PBX1: variants seen among roughly 807,000 people sequenced by gnomAD.
The protein encoded by PBX1 is pre-B-cell leukemia transcription factor 1.
A neutral mutation model predicts 53.4 loss-of-function variants in PBX1; 6 were observed. That is an observed-to-expected ratio of 0.11 (90% CI 0.06 to 0.22). PBX1 has a LOEUF of 0.22. PBX1 is among the 10% of genes least tolerant of loss of function. PBX1 has a pLI of 1.00. For synonymous variants in PBX1, 204 were observed against 212.3 expected (o/e 0.96, Z 0.34); for missense variants, 251 against 551.4 (o/e 0.46, Z 5.46).
chr1:164,626,161 C>T (rs1000548866), intron 2 of PBX1: 1 of 940,154 alleles, frequency 1.1e-6, no homozygotes, highest in African/African-American at 1.8e-5. Flanking sequence ...ACCATGCCTT[C>T]CCCCTTTTAT....
chr1:164,684,210 A>G (rs534268679), intron 2 of PBX1: 34 of 152,312 alleles, frequency 2.2e-4, no homozygotes, highest in African/African-American at 8.2e-4. Context: ...ATCCTTGTGA[A>G]TTCCTTAAGC....
At chr1:164,612,577 C>A (rs1486400847) in intron 2 of PBX1, among the ~76,000 whole-genome samples, 1 of 152,120 alleles carries the variant, frequency 6.6e-6, no homozygotes, top group Non-Finnish European at 1.5e-5. Flanking sequence ...CCCATGATAT[C>A]TGTACCTAAA....
At position 164,846,584 on chromosome 1, in the gene PBX1, G is replaced by A; in HGVS notation, c.1201G>A (p.Ala401Thr). The change falls in exon 9 of 9, where the codon GCT (alanine) becomes ACT (threonine). Residue 401 changes from alanine to threonine, a missense_variant and splice_region_variant. Ala to Thr is a moderately conservative substitution (Grantham distance 58, BLOSUM62 0). Transcript: ENST00000420696. ...SQMYSPQGIS[A>T]NGGWQDATTP... ...ACTTCTCTCCCTTTTTCCCTTCTAG[G>A]CTAATGGAGGTTGGCAGGATGCTAC... 3 of 1,613,838 alleles carry A rather than the reference G, an allele frequency of 1.9e-6. No homozygotes were observed. The highest frequency in any genetic ancestry group is 2.5e-6 in the Non-Finnish European group (3 of 1,179,834).
At chr1:164,654,616 T>G (rs537737677) in intron 2 of PBX1, among the ~76,000 whole-genome samples, 3 of 152,092 alleles carry the variant, frequency 2.0e-5, no homozygotes, top group Admixed American at 2.0e-4. Flanking sequence ...TTCTAAAGAG[T>G]CAAAATGGGA....
intron 2 of PBX1, among the ~76,000 whole-genome samples, chr1:164,695,710 A>G (rs1662764711): frequency 6.6e-6 from 1 of 152,188 alleles, no homozygotes; most frequent in Non-Finnish European, 1.5e-5. Flanking sequence ...GGCTGAACAT[A>G]TGGTAGGTGC....
chr1:164,626,065 C>G (rs1318225953), intron 2 of PBX1: 2 of 1,035,816 alleles, frequency 1.9e-6, no homozygotes, highest in African/African-American at 3.4e-5. Context: ...CCACACACCA[C>G]CACCCCAGTT....
At chr1:164,885,418 G>C (rs1046813811) in intron 2 of PBX1, among the ~76,000 whole-genome samples, 2 of 152,204 alleles carry the variant, frequency 1.3e-5, no homozygotes, top group Admixed American at 1.3e-4. Flanking sequence ...GAGTGGAAAT[G>C]ACAGCACACC....
chr1:164,656,552 TTA>T (rs1331044868), intron 2 of PBX1, among the ~76,000 whole-genome samples: 8 of 152,180 alleles, frequency 5.3e-5, no homozygotes, highest in African/African-American at 1.9e-4. Flanking sequence ...TCCTTTCGTC[TTA>T]GACAAATTAT....
At chr1:164,648,041 T>C (rs1203931267) in intron 2 of PBX1, among the ~76,000 whole-genome samples, 1 of 152,038 alleles carries the variant, frequency 6.6e-6, no homozygotes, top group Non-Finnish European at 1.5e-5. Flanking sequence ...GGTCTCGATC[T>C]CCTGACCTCG....
intron 2 of PBX1, among the ~76,000 whole-genome samples, chr1:164,579,714 C>T (rs1654481674): frequency 6.6e-6 from 1 of 151,952 alleles, no homozygotes; most frequent in African/African-American, 2.4e-5. Context: ...GGAAAGAGTG[C>T]TCTGGGCCCC....
At chr1:164,636,875 T>G (rs1477007184) in intron 2 of PBX1, among the ~76,000 whole-genome samples, 1 of 152,102 alleles carries the variant, frequency 6.6e-6, no homozygotes, top group African/African-American at 2.4e-5. Flanking sequence ...TTTGTGTGTG[T>G]TTATGTGTGA....
intron 2 of PBX1, among the ~76,000 whole-genome samples, chr1:164,609,173 T>A (rs1170439057): frequency 2.0e-5 from 3 of 152,212 alleles, no homozygotes; most frequent in Non-Finnish European, 4.4e-5. Flanking sequence ...TTTTTAATAA[T>A]TTAAAAAAGT....
At chr1:164,776,981 AGGTG>A (rs1571387206) in intron 2 of PBX1, among the ~76,000 whole-genome samples, 14 of 15,016 alleles carry the variant, frequency 9.3e-4, no homozygotes, top group East Asian at 3.5e-3. Context: ...GAGAGAGAGG[AGGTG>A]TGGGGGGGCG....
intron 2 of PBX1, among the ~76,000 whole-genome samples, chr1:164,667,154 A>G (rs903754185): frequency 1.3e-5 from 2 of 152,136 alleles, no homozygotes; most frequent in Non-Finnish European, 2.9e-5. Flanking sequence ...TTTCAGGCCA[A>G]CTGCTCCATC....
intron 2 of PBX1, among the ~76,000 whole-genome samples, chr1:164,733,488 A>T (rs1272047789): frequency 1.2e-4 from 18 of 152,120 alleles, no homozygotes; most frequent in Admixed American, 3.9e-4. Context: ...GTGACATTTT[A>T]AAAAAATCAT....
intron 1 of PBX1, chr1:164,560,216 G>A: frequency 2.0e-6 from 1 of 509,600 alleles, no homozygotes; most frequent in Non-Finnish European, 3.5e-6. Context: ...ATGCCGAGAT[G>A]TGGCTGTGTA....
chr1:164,775,270 G>A (rs766185686), intron 2 of PBX1, among the ~76,000 whole-genome samples: 2 of 152,182 alleles, frequency 1.3e-5, no homozygotes, highest in African/African-American at 2.4e-5. Context: ...AGATCATAGA[G>A]TGAAAGATCA....
chr1:164,809,161 TGTCTGAATTCCAAGTG>T (rs1669489955), intron 5 of PBX1, among the ~76,000 whole-genome samples: 1 of 152,176 alleles, frequency 6.6e-6, no homozygotes, highest in African/African-American at 2.4e-5. Context: ...AAATTACTAC[TGTCTGAATTCCAAGTG>T]TGGAATTCAG....
chr1:164,655,700 C>A lies in PBX1; in HGVS notation c.265+92389C>A, dbSNP rs116093054. ...TTCAGTTGACCTCCTTGACTGCAAT[C>A]ATTTGTTTTGGTTTTGTGTGTGTGT... On this transcript the variant is annotated intron_variant, in intron 2 of 8. Coordinates refer to ENST00000420696, the MANE Select transcript of PBX1 (RefSeq NM_002585.4). Among the ~76,000 whole-genome samples, 546 of 152,246 alleles carry A rather than the reference C, an allele frequency of 3.6e-3. 3 individuals are homozygous for A. Among genetic ancestry groups the A allele is most frequent in the African/African-American group, 0.012 (495 of 41,554 alleles).
Sources: gnomAD v4.1 joint callset for allele counts (sites outside exome capture counted in the v4.1 genomes callset) on GRCh38, gnomAD v4.1.1 for gene constraint, MANE v1.5 for transcripts, NCBI Gene and HGNC (gene_info 2026-07-23, HGNC 2026-07-21) for gene names.